The following STK38 variants were observed in gnomAD, a reference collection of about 807,000 sequenced individuals.
The protein encoded by STK38 is serine/threonine kinase 38, also known as serine/threonine-protein kinase 38.
A neutral mutation model predicts 59.0 loss-of-function variants in STK38; 26 were observed. The observed-to-expected ratio is 0.44, with a 90% confidence interval of 0.32 to 0.61. The LOEUF (loss-of-function observed/expected upper bound fraction) is 0.61. Ranked by LOEUF, STK38 falls within the 20% of genes least tolerant of loss-of-function variation. The probability of loss-of-function intolerance (pLI) is 0.04; values close to 1 mark genes in which losing one functional copy is unlikely to be tolerated. For synonymous variants in STK38, 175 were observed against 176.6 expected (o/e 0.99, Z 0.07); for missense variants, 433 against 566.0 (o/e 0.76, Z 2.38).
intron 2 of STK38, among the ~76,000 whole-genome samples, chr6:36,537,199 C>G (rs1777814024): frequency 6.6e-6 from 1 of 152,048 alleles, no homozygotes; most frequent in Admixed American, 6.6e-5. Context: ...CAGGGAAATG[C>G]AAAATAAAAA....
At position 36,495,728 on chromosome 6, in the gene STK38, A is replaced by G; in HGVS notation, c.*56T>C. 3 of 1,607,282 alleles carry G rather than the reference A, an allele frequency of 1.9e-6. No homozygotes were observed. Among genetic ancestry groups the G allele is most frequent in the Non-Finnish European group, 2.6e-6 (3 of 1,175,434 alleles). On this transcript the variant is annotated 3_prime_UTR_variant, in exon 14 of 14. Coordinates refer to ENST00000229812, the MANE Select transcript of STK38 (RefSeq NM_007271.4). Reference sequence around the variant, plus strand: ...GAAGCTCTTCAAGAGTGTGAGAGGAAAAGCATGATGTTATACAAAGAACTC... The same window carrying G: ...GAAGCTCTTCAAGAGTGTGAGAGGAGAAGCATGATGTTATACAAAGAACTC...
intron 5 of STK38, among the ~76,000 whole-genome samples, chr6:36,519,946 T>C (rs893494060): frequency 2.6e-5 from 4 of 152,218 alleles, no homozygotes; most frequent in African/African-American, 4.8e-5. Flanking sequence ...TCTCAGTGGG[T>C]AGCTTTAATT....
intron 5 of STK38, among the ~76,000 whole-genome samples, chr6:36,518,452 C>T (rs1777305825): frequency 6.6e-6 from 1 of 152,204 alleles, no homozygotes; most frequent in Admixed American, 6.5e-5. Flanking sequence ...TTTCAGAGAA[C>T]CGGAATTATT....
chr6:36,498,842 C>T (rs1197950352), intron 10 of STK38, among the ~76,000 whole-genome samples: 6 of 152,134 alleles, frequency 3.9e-5, no homozygotes, highest in East Asian at 1.9e-4. Flanking sequence ...ACTACCACCT[C>T]GACCTCCCAA....
At chr6:36,499,018 C>A (rs1248143359) in intron 10 of STK38, among the ~76,000 whole-genome samples, 1 of 152,178 alleles carries the variant, frequency 6.6e-6, no homozygotes, top group East Asian at 1.9e-4. Flanking sequence ...AACTCCCAGA[C>A]CCAAAGTGAA....
rs566744367 is a variant in STK38 at position 36,543,814 on chromosome 6, A to G, written c.-6+3376T>C. On this transcript the variant is annotated intron_variant, in intron 1 of 13. Coordinates refer to ENST00000229812, the MANE Select transcript of STK38 (RefSeq NM_007271.4). ...ATGCCATCACCCCCAGCTAGTTTTT[A>G]GTAGAGACGGGGTTTCACTATGTTG... Among the ~76,000 whole-genome samples, 3 of 152,158 alleles carry G rather than the reference A, an allele frequency of 2.0e-5. No individual in the cohort carries two copies. The East Asian group carries it at 5.8e-4, about 29-fold the overall frequency.
At chr6:36,514,144 G>A in intron 7 of STK38, among the ~76,000 whole-genome samples, 1 of 130,486 alleles carries the variant, frequency 7.7e-6, no homozygotes. Flanking sequence ...GACAGAGCGA[G>A]ACTCCGTCTC....
At chr6:36,512,991 A>G (rs9470302) in intron 7 of STK38, among the ~76,000 whole-genome samples, 36,030 of 151,406 alleles carry the variant, frequency 0.24, 4,506 homozygotes, top group East Asian at 0.39. Flanking sequence ...TACTGTCTGT[A>G]ATGTTCAAAT....
At chr6:36,498,928 G>A (rs1333495821) in intron 10 of STK38, among the ~76,000 whole-genome samples, 1 of 151,992 alleles carries the variant, frequency 6.6e-6, no homozygotes, top group Admixed American at 6.6e-5. Context: ...GGATTACTCT[G>A]TATGGCCATC....
intron 2 of STK38, among the ~76,000 whole-genome samples, chr6:36,535,832 C>T (rs550564077): frequency 2.7e-5 from 4 of 148,732 alleles, no homozygotes; most frequent in East Asian, 2.0e-4. Flanking sequence ...GCCAAGATCA[C>T]GCCACTGCAC....
chr6:36,500,532 T>G (rs1582404173), intron 9 of STK38, among the ~76,000 whole-genome samples: 1 of 151,620 alleles, frequency 6.6e-6, no homozygotes, highest in African/African-American at 2.4e-5. Context: ...GAGGCTGAGG[T>G]GGGCGGATCA....
chr6:36,532,742 T>C (rs761723305), intron 2 of STK38, among the ~76,000 whole-genome samples: 29 of 151,684 alleles, frequency 1.9e-4, no homozygotes, highest in Non-Finnish European at 3.1e-4. Context: ...CTACTAAAAA[T>C]ACAAAAATTA....
chr6:36,540,648 T>C (rs1159743878), intron 1 of STK38, among the ~76,000 whole-genome samples: 1 of 152,056 alleles, frequency 6.6e-6, no homozygotes, highest in Admixed American at 6.6e-5. Context: ...CTTTTTGAGA[T>C]GGAGTTTCGC....
At chr6:36,506,003 T>A (rs774669105) in intron 9 of STK38, among the ~76,000 whole-genome samples, 11 of 152,148 alleles carry the variant, frequency 7.2e-5, no homozygotes, top group African/African-American at 1.4e-4. Context: ...GTAAACACGA[T>A]GTTTCTTATT....
intron 8 of STK38, among the ~76,000 whole-genome samples, chr6:36,507,265 C>T (rs937216482): frequency 3.3e-5 from 5 of 152,034 alleles, no homozygotes; most frequent in African/African-American, 1.2e-4. Context: ...CCCCAGTGAC[C>T]TTCCCAGTAG....
rs1279406004 is a variant in STK38 at position 36,521,766 on chromosome 6, G to A, written c.358C>T (p.Leu120Phe). Residue 120 changes from leucine (L) to phenylalanine (F), a missense_variant, in exon 5 of 14, where the codon CTC (leucine) becomes TTC (phenylalanine). Transcript: ENST00000229812. ...TTTTCAAGCATATCTGCTTTACGGAGTATTTTCATTGCATACACATGTCCC... is the reference window on the plus strand; with the variant it reads ...TTTTCAAGCATATCTGCTTTACGGAATATTTTCATTGCATACACATGTCCC... ...DTGHVYAMKI[L>F]RKADMLEKEQ... The A allele has an allele frequency of 1.2e-6, 2 of 1,611,608 alleles. No individual in the cohort carries two copies. Among genetic ancestry groups the A allele is most frequent in the Non-Finnish European group, 1.7e-6 (2 of 1,179,522 alleles).
At chr6:36,518,028 T>C (rs903845691) in intron 5 of STK38, among the ~76,000 whole-genome samples, 188 bp from the exon 6 acceptor site, 11 of 152,230 alleles carry the variant, frequency 7.2e-5, no homozygotes, top group African/African-American at 2.2e-4. Context: ...CTTCAAGGTA[T>C]TCAGTGATGA....
intron 4 of STK38, among the ~76,000 whole-genome samples, chr6:36,522,855 CAAAAAAA>C (rs1200049731): frequency 3.0e-5 from 2 of 66,568 alleles, no homozygotes; most frequent in African/African-American, 4.6e-5. Flanking sequence ...GACTCTGTCT[CAAAAAAA>C]AAAAAAAAAA....
intron 2 of STK38, among the ~76,000 whole-genome samples, chr6:36,536,078 T>G (rs1777783035): frequency 6.6e-6 from 1 of 152,122 alleles, no homozygotes; most frequent in Admixed American, 6.6e-5. Flanking sequence ...AAGGTGAGAC[T>G]GGCTAAGGAC....
Sources: allele counts gnomAD v4.1 joint callset (sites outside exome capture counted in the v4.1 genomes callset), GRCh38; gene constraint gnomAD v4.1.1; transcripts MANE v1.5; gene names NCBI Gene and HGNC (gene_info 2026-07-23, HGNC 2026-07-21).